RBMS3: variants seen among roughly 807,000 people sequenced by gnomAD.
RBMS3 encodes the protein RNA-binding motif, single-stranded-interacting protein 3.
Under a neutral mutation model 66.8 loss-of-function variants are expected in RBMS3, and 27 were observed. The ratio of observed to expected loss-of-function variants is 0.40; its 90% CI spans 0.30 to 0.56. RBMS3 has a LOEUF of 0.56. Among genes scored for constraint, RBMS3 ranks in the 20% least tolerant of loss-of-function variants. The pLI is 0.40. For missense variants in RBMS3, 513 were observed against 549.5 expected (o/e 0.93, Z 0.66); for synonymous variants, 188 against 183.0 (o/e 1.03, Z -0.22).
chr3:29,347,527 G>GATAAT, intron 1 of RBMS3, among the ~76,000 whole-genome samples: 1 of 152,170 alleles, frequency 6.6e-6, no homozygotes, highest in Non-Finnish European at 1.5e-5. Flanking sequence ...ATCTATGGGT[G>GATAAT]TGTGCATTCG....
chr3:29,428,786 T>C (rs2125713782), intron 1 of RBMS3, among the ~76,000 whole-genome samples: 1 of 152,320 alleles, frequency 6.6e-6, no homozygotes, highest in Middle Eastern at 3.4e-3. Flanking sequence ...CCATGAATCT[T>C]GACAAATGAA....
intron 3 of RBMS3, among the ~76,000 whole-genome samples, chr3:29,518,611 A>T (rs944347694): frequency 2.6e-5 from 4 of 152,226 alleles, no homozygotes; most frequent in African/African-American, 9.6e-5. Context: ...CCTTGGCAGG[A>T]CATGTCTAAA....
At chr3:29,857,373 A>AC (rs2059105432) in intron 6 of RBMS3, among the ~76,000 whole-genome samples, 1 of 109,232 alleles carries the variant, frequency 9.2e-6, no homozygotes, top group Non-Finnish European at 2.0e-5. Flanking sequence ...ATCTACCCCC[A>AC]CCCCCACCCC....
At chr3:29,571,002 C>T (rs1460632135) in intron 3 of RBMS3, among the ~76,000 whole-genome samples, 1 of 152,078 alleles carries the variant, frequency 6.6e-6, no homozygotes, top group East Asian at 1.9e-4. Flanking sequence ...TATTGCCTGT[C>T]TTTTGGATAA....
At chr3:29,636,765 G>T (rs968797326) in intron 4 of RBMS3, among the ~76,000 whole-genome samples, 2 of 151,904 alleles carry the variant, frequency 1.3e-5, no homozygotes, top group African/African-American at 2.4e-5. Context: ...TTACTTGCTT[G>T]TCTTTCTGTC....
chr3:29,625,913 G>C (rs1317296301), intron 4 of RBMS3, among the ~76,000 whole-genome samples: 1 of 151,926 alleles, frequency 6.6e-6, no homozygotes, highest in African/African-American at 2.4e-5. Flanking sequence ...TCATTGCTGA[G>C]ATATAAGAAG....
At chr3:29,522,239 C>A (rs144752467) in intron 3 of RBMS3, among the ~76,000 whole-genome samples, 1 of 152,212 alleles carries the variant, frequency 6.6e-6, no homozygotes, top group Non-Finnish European at 1.5e-5. Context: ...GTCACTCAGG[C>A]TGGAGTGCAG....
chr3:29,746,796 G>A (rs190103214), intron 5 of RBMS3, among the ~76,000 whole-genome samples: 1 of 152,126 alleles, frequency 6.6e-6, no homozygotes, highest in South Asian at 2.1e-4. Context: ...CAGTCTTGTT[G>A]TATATATGCC....
chr3:29,690,331 TC>T (rs2051943524), intron 4 of RBMS3, among the ~76,000 whole-genome samples: 1 of 152,080 alleles, frequency 6.6e-6, no homozygotes, highest in African/African-American at 2.4e-5. Context: ...GTGCCTGTGG[TC>T]CCAGGTACTT....
chr3:29,800,265 T>G (rs2057348040), intron 6 of RBMS3, among the ~76,000 whole-genome samples: 1 of 152,102 alleles, frequency 6.6e-6, no homozygotes, highest in African/African-American at 2.4e-5. Flanking sequence ...TCCTCCATTT[T>G]TATGGTTATG....
intron 1 of RBMS3, among the ~76,000 whole-genome samples, chr3:29,331,551 C>G (rs916778829): frequency 2.6e-5 from 4 of 152,098 alleles, no homozygotes; most frequent in African/African-American, 7.2e-5. Context: ...ATTTTACCCA[C>G]AAATCCTCAT....
intron 1 of RBMS3, among the ~76,000 whole-genome samples, chr3:29,298,228 G>C (rs750857891): frequency 2.0e-5 from 3 of 151,744 alleles, no homozygotes; most frequent in Non-Finnish European, 2.9e-5. Context: ...TCCTGTACTC[G>C]AATAATACTC....
chr3:29,452,616 T>TA (rs2042051815), intron 2 of RBMS3, among the ~76,000 whole-genome samples: 2 of 152,192 alleles, frequency 1.3e-5, no homozygotes, highest in African/African-American at 2.4e-5. Context: ...CCAGGAAAGC[T>TA]GGAGATAAGA....
At chr3:29,623,331 G>T (rs13096972) in intron 4 of RBMS3, among the ~76,000 whole-genome samples, 1 of 152,004 alleles carries the variant, frequency 6.6e-6, no homozygotes, top group Non-Finnish European at 1.5e-5. Flanking sequence ...GGTGGCTCAC[G>T]CCTGTAATCC....
chr3:29,990,022 A>G (rs1308718359), intron 13 of RBMS3, among the ~76,000 whole-genome samples: 2 of 152,170 alleles, frequency 1.3e-5, no homozygotes, highest in African/African-American at 4.8e-5. Flanking sequence ...ATTAAAAGAA[A>G]TATTTCATTG....
At chr3:29,731,767 A>G (rs1468821822) in intron 4 of RBMS3, among the ~76,000 whole-genome samples, 1 of 152,126 alleles carries the variant, frequency 6.6e-6, no homozygotes, top group Non-Finnish European at 1.5e-5. Context: ...ACATTGTATT[A>G]GTCAGGGTTC....
At chr3:29,955,699 A>G (rs920760320) in intron 12 of RBMS3, among the ~76,000 whole-genome samples, 2 of 152,012 alleles carry the variant, frequency 1.3e-5, no homozygotes, top group Non-Finnish European at 2.9e-5. Flanking sequence ...TCATTAGACC[A>G]CACAGTGTCT....
chr3:29,771,101 A>G (rs1187962841), intron 6 of RBMS3, among the ~76,000 whole-genome samples: 1 of 152,076 alleles, frequency 6.6e-6, no homozygotes, highest in African/African-American at 2.4e-5. Context: ...AACAGTAGGC[A>G]AGCTCTGAAC....
chr3:29,859,984 A>G (rs2059174114), intron 6 of RBMS3, among the ~76,000 whole-genome samples: 1 of 152,230 alleles, frequency 6.6e-6, no homozygotes, highest in Admixed American at 6.5e-5. Context: ...TTTCCTAACA[A>G]AACCTTTTGC....
Sources: allele counts gnomAD v4.1 joint callset (sites outside exome capture counted in the v4.1 genomes callset), GRCh38; gene constraint gnomAD v4.1.1; transcripts MANE v1.5; gene names NCBI Gene and HGNC (gene_info 2026-07-23, HGNC 2026-07-21).